Variants in GFRA1 observed in about 807,000 individuals in gnomAD.
The protein encoded by GFRA1 is GDNF family receptor alpha-1.
A neutral mutation model predicts 51.6 loss-of-function variants in GFRA1; 16 were observed. That is an observed-to-expected ratio of 0.31 (90% CI 0.21 to 0.47). GFRA1 has a LOEUF of 0.47. Ranked by LOEUF, GFRA1 falls within the 20% of genes least tolerant of loss-of-function variation. GFRA1 has a pLI of 1.00. For synonymous variants in GFRA1, 270 were observed against 241.3 expected (o/e 1.12, Z -1.10); for missense variants, 530 against 594.3 (o/e 0.89, Z 1.13).
Position 116,117,355 on chromosome 10 carries a change from C to G in GFRA1, c.770+7866G>C, listed in dbSNP as rs529056625. Among the ~76,000 whole-genome samples, 826 of 152,202 alleles carry G rather than the reference C, an allele frequency of 5.4e-3. 7 individuals carry two copies. The highest frequency in any genetic ancestry group is 0.017 in the African/African-American group (712 of 41,530). On this transcript the variant is annotated intron_variant, in intron 6 of 10. Coordinates refer to ENST00000355422, the MANE Select transcript of GFRA1 (RefSeq NM_005264.8). ...TCAGATGGCAGCTTCTCCAGGAAGCCTTGCTAACAGCCACTCTAAGCTGGC... is the reference window on the plus strand; with the variant it reads ...TCAGATGGCAGCTTCTCCAGGAAGCGTTGCTAACAGCCACTCTAAGCTGGC...
At chr10:116,153,869 T>C (rs1351271012) in intron 5 of GFRA1, among the ~76,000 whole-genome samples, 2 of 152,288 alleles carry the variant, frequency 1.3e-5, no homozygotes, top group East Asian at 1.9e-4. Context: ...CCAGATTTTA[T>C]AAGCACTCTA....
intron 5 of GFRA1, among the ~76,000 whole-genome samples, chr10:116,203,529 C>T (rs1964498733): frequency 6.6e-6 from 1 of 152,214 alleles, no homozygotes; most frequent in Non-Finnish European, 1.5e-5. Context: ...TGCACCAGCA[C>T]AGGCATTTGG....
chr10:116,149,816 C>T (rs113724085), intron 5 of GFRA1, among the ~76,000 whole-genome samples: 47 of 152,180 alleles, frequency 3.1e-4, no homozygotes, highest in African/African-American at 1.1e-3. Flanking sequence ...TTCCTATTAT[C>T]AAACCATTAT....
intron 5 of GFRA1, among the ~76,000 whole-genome samples, chr10:116,168,532 G>A (rs1419737431): frequency 6.6e-6 from 1 of 152,122 alleles, no homozygotes; most frequent in Non-Finnish European, 1.5e-5. Flanking sequence ...CACTCTGCAG[G>A]CCTGGGCTCA....
chr10:116,165,570 C>T (rs1261903582), intron 5 of GFRA1, among the ~76,000 whole-genome samples: 2 of 152,026 alleles, frequency 1.3e-5, no homozygotes, highest in African/African-American at 4.8e-5. Flanking sequence ...GCTCAAGAAA[C>T]CTTGGCCCTC....
At chr10:116,104,322 C>T (rs1956927623) in intron 6 of GFRA1, among the ~76,000 whole-genome samples, 1 of 152,216 alleles carries the variant, frequency 6.6e-6, no homozygotes, top group Non-Finnish European at 1.5e-5. Flanking sequence ...CCCTCAAATC[C>T]CTGCTCAGCC....
chr10:116,238,296 G>T (rs1336889037), intron 4 of GFRA1, among the ~76,000 whole-genome samples: 1 of 152,130 alleles, frequency 6.6e-6, no homozygotes, highest in Non-Finnish European at 1.5e-5. Flanking sequence ...CAGTGACCTC[G>T]CAAGGTATCA....
At chr10:116,129,104 C>T (rs1405464580) in intron 5 of GFRA1, among the ~76,000 whole-genome samples, 3 of 152,188 alleles carry the variant, frequency 2.0e-5, no homozygotes, top group African/African-American at 7.2e-5. Context: ...TCATAGCTCA[C>T]AGGTGAACAT....
At chr10:116,255,976 T>C (rs184268087) in intron 4 of GFRA1, among the ~76,000 whole-genome samples, 8 of 152,190 alleles carry the variant, frequency 5.3e-5, no homozygotes, top group Admixed American at 2.0e-4. Flanking sequence ...CATGCTAATA[T>C]ATTGAGGGAG....
intron 4 of GFRA1, among the ~76,000 whole-genome samples, chr10:116,234,195 T>C (rs751484732): frequency 6.6e-6 from 1 of 152,220 alleles, no homozygotes; most frequent in African/African-American, 2.4e-5. Context: ...TTTGCCTTTT[T>C]TCCCCCTTCA....
intron 4 of GFRA1, among the ~76,000 whole-genome samples, chr10:116,219,172 C>T (rs1485283970): frequency 6.6e-6 from 1 of 152,082 alleles, no homozygotes; most frequent in Non-Finnish European, 1.5e-5. Context: ...TTTATGACAT[C>T]CTATCCCTAG....
intron 5 of GFRA1, among the ~76,000 whole-genome samples, chr10:116,158,008 T>A (rs1225797498): frequency 6.6e-6 from 1 of 152,170 alleles, no homozygotes; most frequent in East Asian, 1.9e-4. Context: ...TCAGAAGCCT[T>A]CCTTGAAGGA....
chr10:116,259,355 T>TGTTAATAATAATAATAATAAATAAATAGC (rs1390373000), intron 4 of GFRA1, among the ~76,000 whole-genome samples: 1 of 149,904 alleles, frequency 6.7e-6, no homozygotes, highest in African/African-American at 2.5e-5. Context: ...TGTGTAATGC[T>TGTTAATAATAATAATAATAAATAAATAGC]ATTTATACGA....
intron 6 of GFRA1, among the ~76,000 whole-genome samples, chr10:116,107,547 G>A (rs2694797): frequency 0.17 from 26,281 of 151,966 alleles, 2,304 homozygotes; most frequent in East Asian, 0.22. Flanking sequence ...GTTTTTATAG[G>A]CCAATGAAAT....
At chr10:116,118,762 T>C (rs560009041) in intron 6 of GFRA1, among the ~76,000 whole-genome samples, 1 of 152,354 alleles carries the variant, frequency 6.6e-6, no homozygotes, top group East Asian at 1.9e-4. Flanking sequence ...AAGGAGTCCC[T>C]GCTTTTTTCT....
intron 4 of GFRA1, among the ~76,000 whole-genome samples, chr10:116,217,274 TAA>T (rs1423627515): frequency 6.6e-6 from 1 of 152,132 alleles, no homozygotes; most frequent in African/African-American, 2.4e-5. Flanking sequence ...ACACCCGGAG[TAA>T]TCACTCAACA....
chr10:116,271,119 C>G lies in GFRA1; in HGVS notation c.41-4G>C, dbSNP rs764759638. 1 of 1,600,076 alleles carries G rather than the reference C, an allele frequency of 6.2e-7. No homozygotes were observed. The highest frequency in any genetic ancestry group is 1.1e-5 in the South Asian group (1 of 90,606). ...ACTTCGGCCGACAGGAGCAAGTCTG[C>G]GGGGCAGAGGGGAGGGAGCCTGAGT... On this transcript the variant is annotated splice_region_variant and splice_polypyrimidine_tract_variant and intron_variant, in intron 2 of 10. Transcript: ENST00000355422.
chr10:116,066,277 G>A (rs953549188), intron 9 of GFRA1, among the ~76,000 whole-genome samples: 3 of 152,186 alleles, frequency 2.0e-5, no homozygotes, highest in African/African-American at 7.2e-5. Context: ...CCACTCACTA[G>A]TCACTGTTTA....
intron 5 of GFRA1, among the ~76,000 whole-genome samples, chr10:116,198,319 T>C (rs371321012): frequency 6.6e-6 from 1 of 152,290 alleles, no homozygotes; most frequent in South Asian, 2.1e-4. Context: ...AGCTGAACTT[T>C]TGCGGGCTTA....
Sources: gnomAD v4.1 joint callset for allele counts (sites outside exome capture counted in the v4.1 genomes callset) on GRCh38, gnomAD v4.1.1 for gene constraint, MANE v1.5 for transcripts, NCBI Gene and HGNC (gene_info 2026-07-23, HGNC 2026-07-21) for gene names.